The following SEMA3C variants were observed in gnomAD, a reference collection of about 807,000 sequenced individuals.
The protein encoded by SEMA3C is semaphorin 3C, also known as semaphorin-3C.
In SEMA3C, 47 loss-of-function variants were observed where a neutral mutation model predicts 89.4. That is an observed-to-expected ratio of 0.53 (90% confidence interval 0.42 to 0.67). The LOEUF (loss-of-function observed/expected upper bound fraction) is 0.67, where lower values mean the gene tolerates loss of function less well. SEMA3C is among the 30% of genes least tolerant of loss of function. The probability of loss-of-function intolerance (pLI) is 0.00; values close to 1 mark genes in which losing one functional copy is unlikely to be tolerated. For missense variants in SEMA3C, 839 were observed against 929.1 expected (o/e 0.90, Z 1.26); for synonymous variants, 310 against 320.2 (o/e 0.97, Z 0.34).
chr7:80,890,363 A>G (rs1252855189), intron 2 of SEMA3C, among the ~76,000 whole-genome samples: 1 of 152,188 alleles, frequency 6.6e-6, no homozygotes, highest in African/African-American at 2.4e-5. Context: ...CATAGGCCTT[A>G]AAACTCAATG....
intron 2 of SEMA3C, among the ~76,000 whole-genome samples, chr7:80,897,337 G>T (rs1280345744): frequency 6.6e-6 from 1 of 152,098 alleles, no homozygotes; most frequent in Non-Finnish European, 1.5e-5. Flanking sequence ...TCCTTTCCTT[G>T]TTCCTTGAAT....
At chr7:80,883,362 A>C (rs1021999337) in intron 2 of SEMA3C, among the ~76,000 whole-genome samples, 1 of 152,190 alleles carries the variant, frequency 6.6e-6, no homozygotes. Context: ...CCCTTATTCC[A>C]ATCACAAAAA....
chr7:80,837,123 G>A (rs573743337), intron 2 of SEMA3C, among the ~76,000 whole-genome samples: 1 of 152,072 alleles, frequency 6.6e-6, no homozygotes, highest in Non-Finnish European at 1.5e-5. Flanking sequence ...ATATAAAACT[G>A]TTCTTGCAGT....
chr7:80,799,489 T>C (rs1264204711), intron 10 of SEMA3C, among the ~76,000 whole-genome samples: 1 of 152,048 alleles, frequency 6.6e-6, no homozygotes, highest in East Asian at 1.9e-4. Flanking sequence ...AGCTTGGGCA[T>C]CCCAGAGAAG....
At chr7:80,872,254 C>T (rs1470331022) in intron 2 of SEMA3C, among the ~76,000 whole-genome samples, 1 of 151,958 alleles carries the variant, frequency 6.6e-6, no homozygotes, top group Non-Finnish European at 1.5e-5. Flanking sequence ...AGGTTCAAGC[C>T]ATTCTCCAGC....
chr7:80,908,708 TCTCA>T (rs879762810), intron 2 of SEMA3C, among the ~76,000 whole-genome samples: 2 of 152,132 alleles, frequency 1.3e-5, no homozygotes, highest in Non-Finnish European at 2.9e-5. Flanking sequence ...CTCATTTTGT[TCTCA>T]CTATCACCAG....
intron 12 of SEMA3C, among the ~76,000 whole-genome samples, chr7:80,788,372 C>T (rs187551028): frequency 1.1e-4 from 16 of 152,250 alleles, no homozygotes; most frequent in East Asian, 9.7e-4. Flanking sequence ...ACTGCCCGAC[C>T]GACAAGCCAG....
chr7:80,922,219 C>A, upstream of SEMA3C: 1 of 1,277,756 alleles, frequency 7.8e-7, no homozygotes, highest in Non-Finnish European at 1.0e-6. Context: ...AGCGTGATTG[C>A]CGTAATGTCT....
intron 5 of SEMA3C, among the ~76,000 whole-genome samples, chr7:80,817,711 G>C (rs1789642112): frequency 6.6e-6 from 1 of 152,118 alleles, no homozygotes; most frequent in Non-Finnish European, 1.5e-5. Context: ...GGCTGGAATA[G>C]CCTAATGTAG....
At chr7:80,897,553 T>C (rs1005341758) in intron 2 of SEMA3C, among the ~76,000 whole-genome samples, 1 of 152,056 alleles carries the variant, frequency 6.6e-6, no homozygotes, top group Non-Finnish European at 1.5e-5. Flanking sequence ...ATGTTCATGA[T>C]AGGAAACATA....
At chr7:80,835,523 ACC>A (rs758414513) in intron 2 of SEMA3C, among the ~76,000 whole-genome samples, 5 of 152,090 alleles carry the variant, frequency 3.3e-5, no homozygotes, top group African/African-American at 4.8e-5. Flanking sequence ...GGCTCAAGTG[ACC>A]CATCCTCTCC....
chr7:80,854,868 G>T (rs1790601446), intron 2 of SEMA3C, among the ~76,000 whole-genome samples: 1 of 152,094 alleles, frequency 6.6e-6, no homozygotes, highest in Non-Finnish European at 1.5e-5. Flanking sequence ...GAAACTTTTG[G>T]AATGTGGATC....
intron 2 of SEMA3C, among the ~76,000 whole-genome samples, chr7:80,904,468 G>C (rs1289340994): frequency 6.6e-6 from 1 of 152,086 alleles, no homozygotes; most frequent in Non-Finnish European, 1.5e-5. Flanking sequence ...ATTCCACACA[G>C]AGTAAGTGAA....
intron 2 of SEMA3C, among the ~76,000 whole-genome samples, chr7:80,897,283 T>C (rs1003712611): frequency 1.3e-5 from 2 of 152,042 alleles, no homozygotes; most frequent in African/African-American, 4.8e-5. Context: ...CATAAAACCA[T>C]AAAACACTAA....
intron 2 of SEMA3C, among the ~76,000 whole-genome samples, chr7:80,869,406 C>T (rs1013957417): frequency 6.6e-6 from 1 of 152,054 alleles, no homozygotes; most frequent in East Asian, 1.9e-4. Flanking sequence ...TTGCTGTGTG[C>T]CCTTTAATAT....
At position 80,882,345 on chromosome 7, in the gene SEMA3C, G is replaced by A. The variant is rs192433602; in HGVS notation, c.103+34334C>T. On this transcript the variant is annotated intron_variant, in intron 2 of 17. Coordinates refer to ENST00000265361, the MANE Select transcript of SEMA3C (RefSeq NM_006379.5). ...TTTCTTAGAGACTAAACCATAGCAA[G>A]GAGTTTGTGATCACTGTATAGCGCT... Among the ~76,000 whole-genome samples, 30 of 149,894 alleles carry A rather than the reference G, an allele frequency of 2.0e-4. No individual in the cohort carries two copies. The East Asian group carries it at 5.9e-3, about 30-fold the overall frequency.
intron 2 of SEMA3C, among the ~76,000 whole-genome samples, chr7:80,894,956 A>AG (rs1791698521): frequency 6.6e-6 from 1 of 152,170 alleles, no homozygotes; most frequent in Non-Finnish European, 1.5e-5. Context: ...CTGTAATATA[A>AG]GGGGCCAGAT....
chr7:80,878,400 G>T (rs191172862), intron 2 of SEMA3C, among the ~76,000 whole-genome samples: 100 of 152,056 alleles, frequency 6.6e-4, no homozygotes, highest in African/African-American at 2.3e-3. Flanking sequence ...AAACAAAAAA[G>T]AATTAAAAAA....
upstream of SEMA3C, among the ~76,000 whole-genome samples, chr7:80,921,165 G>A (rs925640616): frequency 2.0e-5 from 3 of 152,122 alleles, no homozygotes; most frequent in Non-Finnish European, 4.4e-5. Flanking sequence ...CAGGGGTTTG[G>A]AGGCCTTGAC....
Sources: allele counts gnomAD v4.1 joint callset (sites outside exome capture counted in the v4.1 genomes callset), GRCh38; gene constraint gnomAD v4.1.1; transcripts MANE v1.5; gene names NCBI Gene and HGNC (gene_info 2026-07-23, HGNC 2026-07-21).